MTIF3: variants seen among roughly 807,000 people sequenced by gnomAD.
MTIF3 encodes mitochondrial translational initiation factor 3, also known as translation initiation factor IF-3, mitochondrial.
In MTIF3, 13 loss-of-function variants were observed where a neutral mutation model predicts 20.7. That is an observed-to-expected ratio of 0.63 (90% CI 0.41 to 1.00). The LOEUF (loss-of-function observed/expected upper bound fraction) is 1.00, where lower values mean the gene tolerates loss of function less well. Among genes scored for constraint, MTIF3 ranks in the 50% least tolerant of loss-of-function variants. MTIF3 has a pLI of 0.00. For synonymous variants in MTIF3, 114 were observed against 112.5 expected (o/e 1.01, Z -0.08); for missense variants, 295 against 324.5 (o/e 0.91, Z 0.70).
chr13:27,438,788 G>A (rs929557849), intron 3 of MTIF3, among the ~76,000 whole-genome samples: 23 of 151,710 alleles, frequency 1.5e-4, no homozygotes, highest in Non-Finnish European at 2.7e-4. Flanking sequence ...GAGCCACCAC[G>A]CCCAGTGACC....
chr13:27,445,310 T>C (rs993889644), intron 1 of MTIF3, among the ~76,000 whole-genome samples, 154 bp from the exon 2 acceptor site: 2 of 151,818 alleles, frequency 1.3e-5, no homozygotes, highest in Non-Finnish European at 1.5e-5. Context: ...CAAGACCCAG[T>C]CTCTACAAAA....
Position 27,444,233 on chromosome 13 carries a change from G to T in MTIF3, c.-2+855C>A, listed in dbSNP as rs4771121. ...AGGCAGGAGAATGGCGTGAACCCGG[G>T]AGGCGGAGCTAGCAGTGAGCGAGAT... On this transcript the variant is annotated intron_variant, in intron 2 of 4. Transcript: ENST00000381120. Among the ~76,000 whole-genome samples, 480 of 152,054 alleles carry T rather than the reference G, an allele frequency of 3.2e-3. 2 individuals are homozygous for T. Among genetic ancestry groups the T allele is most frequent in the African/African-American group, 0.011 (457 of 41,484 alleles).
chr13:27,439,903 T>A (rs776469602), intron 3 of MTIF3, 86 bp downstream of exon 3: 15 of 1,189,794 alleles, frequency 1.3e-5, no homozygotes, highest in Non-Finnish European at 1.8e-5. Context: ...TTCCCTCTTG[T>A]CACAGGCACC....
chr13:27,437,341 T>C, intron 3 of MTIF3, 68 bp from the exon 4 acceptor site: 2 of 1,419,500 alleles, frequency 1.4e-6, no homozygotes, highest in Non-Finnish European at 1.9e-6. Context: ...CTTCCCAACA[T>C]GCCCATCATA....
intron 2 of MTIF3, among the ~76,000 whole-genome samples, chr13:27,443,029 T>TA (rs1256326404): frequency 2.6e-5 from 4 of 152,246 alleles, no homozygotes; most frequent in Non-Finnish European, 4.4e-5. Context: ...GCCAAGGAGC[T>TA]ATGGCAGGGC....
intron 1 of MTIF3, among the ~76,000 whole-genome samples, chr13:27,449,026 C>T (rs1456969309): frequency 1.3e-5 from 2 of 152,208 alleles, no homozygotes; most frequent in Non-Finnish European, 2.9e-5. Flanking sequence ...AGCATCCAGC[C>T]TAGGCAACAG....
intron 4 of MTIF3, among the ~76,000 whole-genome samples, chr13:27,436,513 AGAAAC>A (rs1453337424): frequency 3.3e-5 from 5 of 152,194 alleles, no homozygotes; most frequent in African/African-American, 9.7e-5. Context: ...AGTACAAAGA[AGAAAC>A]AAAAAATCTA....
rs1013992837 is a variant in MTIF3, at chr13:27,447,882, A to C, written c.-71+2627T>G. 5.0e-5 allele frequency among the ~76,000 whole-genome samples: 7 copies of C among 140,904 alleles called. No homozygotes were observed. The South Asian group carries it at 1.5e-3, about 29-fold the overall frequency. The allele number at this position is 140,904 out of a possible 152,430, so 92.4% of individuals were successfully genotyped here. On this transcript the variant is annotated intron_variant, in intron 1 of 4. Coordinates refer to ENST00000381120, the MANE Select transcript of MTIF3 (RefSeq NM_152912.5). ...TAAGAAGTGTCCTCCAAGTATATGA[A>C]TATATCGCAGTTTTTAAATCTAGTT...
intron 1 of MTIF3, 27 bp downstream of exon 1, chr13:27,450,482 C>T (rs549861470): frequency 3.9e-5 from 6 of 152,484 alleles, no homozygotes; most frequent in African/African-American, 1.2e-4. Flanking sequence ...CCGCGCACCG[C>T]TCCGCACGCC....
At chr13:27,448,419 T>C (rs1954247949) in intron 1 of MTIF3, among the ~76,000 whole-genome samples, 2 of 152,214 alleles carry the variant, frequency 1.3e-5, no homozygotes. Flanking sequence ...ATAAAGTCCT[T>C]GCTTCTGCCT....
Position 27,440,416 on chromosome 13 carries a change from T to C in MTIF3, c.33A>G (p.Leu11=), listed in dbSNP as rs199553962. The part of the protein sequence containing the change: MAALFLKRLT[L]QTVKSENSCI... ...AACTATTTTCAGACTTTACAGTTTG[T>C]AGTGTTAACCTCTTTAGAAAAAGAG... Residue 11 remains leucine, a synonymous_variant, in exon 3 of 5, where the codon CTA becomes CTG. Transcript: ENST00000381120. The C allele has an allele frequency of 6.2e-5, 100 of 1,612,956 alleles. 1 individual carries two copies. The East Asian group carries it at 2.2e-3, about 35-fold the overall frequency.
intron 1 of MTIF3, among the ~76,000 whole-genome samples, chr13:27,448,865 C>G (rs1437605066): frequency 1.3e-5 from 2 of 151,934 alleles, no homozygotes; most frequent in East Asian, 3.9e-4. Flanking sequence ...ATGGTGAAAC[C>G]CCATCTCTAC....
intron 3 of MTIF3, among the ~76,000 whole-genome samples, chr13:27,438,481 C>CT (rs1566082029): frequency 9.6e-5 from 5 of 52,070 alleles, no homozygotes; most frequent in East Asian, 1.4e-3. Flanking sequence ...CAGAGCAAGA[C>CT]TGTTTTTTTT....
chr13:27,449,934 G>GT (rs1954304449), intron 1 of MTIF3: 1 of 152,160 alleles, frequency 6.6e-6, no homozygotes, highest in Admixed American at 6.5e-5. Context: ...TGACAAATGA[G>GT]AAAAAAAATC....
intron 4 of MTIF3, among the ~76,000 whole-genome samples, chr13:27,436,725 T>C (rs1439973873): frequency 6.6e-6 from 1 of 151,502 alleles, no homozygotes; most frequent in Non-Finnish European, 1.5e-5. Context: ...ACTTTGTCTT[T>C]ATATTTCAGA....
intron 1 of MTIF3, among the ~76,000 whole-genome samples, chr13:27,447,715 G>A (rs1954226897): frequency 3.5e-5 from 2 of 57,148 alleles, no homozygotes; most frequent in South Asian, 8.7e-4. Flanking sequence ...GGCAACTATT[G>A]TTCTGATTTT....
At chr13:27,446,761 T>C (rs1954192850) in intron 1 of MTIF3, among the ~76,000 whole-genome samples, 1 of 152,236 alleles carries the variant, frequency 6.6e-6, no homozygotes, top group Admixed American at 6.5e-5. Context: ...GATTTTTTTG[T>C]AATGCATAGT....
At position 27,440,096 on chromosome 13, in the gene MTIF3, T is replaced by C; in HGVS notation, c.353A>G (p.Gln118Arg). Residue 118 changes from glutamine (Q) to arginine (R), a missense_variant, in exon 3 of 5, where the codon CAA becomes CGA. Coordinates refer to ENST00000381120, the MANE Select transcript of MTIF3 (RefSeq NM_152912.5). ...LMDERDLRLV[Q>R]RNTSTEPAEY... ...TGCAGGTTCTGTGCTGGTGTTCCTT[T>C]GAACCAGTCGCAGGTCTCGCTCATC... The C allele has an allele frequency of 6.2e-7, 1 of 1,614,244 alleles. No individual in the cohort carries two copies. The highest frequency in any genetic ancestry group is 2.2e-5 in the East Asian group (1 of 44,888).
chr13:27,440,750 T>G (rs758109828), intron 2 of MTIF3, among the ~76,000 whole-genome samples: 2 of 151,216 alleles, frequency 1.3e-5, no homozygotes, highest in Non-Finnish European at 2.9e-5. Context: ...GTACACATGA[T>G]CTCATTTGAC....
Sources: gnomAD v4.1 joint callset for allele counts (sites outside exome capture counted in the v4.1 genomes callset) on GRCh38, gnomAD v4.1.1 for gene constraint, MANE v1.5 for transcripts, NCBI Gene and HGNC (gene_info 2026-07-23, HGNC 2026-07-21) for gene names.